COL19A1: variants seen among roughly 807,000 people sequenced by gnomAD.
COL19A1 encodes the protein collagen alpha-1(XIX) chain.
COL19A1 carries 159 observed loss-of-function variants against 190.2 expected under a neutral mutation model. The observed-to-expected ratio is 0.84, with a 90% confidence interval of 0.73 to 0.95. The LOEUF (loss-of-function observed/expected upper bound fraction) is 0.95. Among genes scored for constraint, COL19A1 ranks in the 40% least tolerant of loss-of-function variants. COL19A1 has a pLI of 0.00. For missense variants in COL19A1, 1,418 were observed against 1,431.9 expected (o/e 0.99, Z 0.16); for synonymous variants, 509 against 458.9 (o/e 1.11, Z -1.39).
chr6:70,149,842 C>T lies in COL19A1; in HGVS notation c.1930-9C>T, dbSNP rs1786930254. ...ATAAGTAACTGTTTTTATTTCCCTC[C>T]TTTTCCAGGGTCCTCGAGGTCTCCC... On this transcript the variant is annotated splice_polypyrimidine_tract_variant and intron_variant, in intron 28 of 50. Transcript: ENST00000620364. 1.2e-6 allele frequency: 2 copies of T among 1,613,614 alleles called. No homozygotes were observed. Among genetic ancestry groups the T allele is most frequent in the Non-Finnish European group, 1.7e-6 (2 of 1,179,764 alleles).
intron 5 of COL19A1, among the ~76,000 whole-genome samples, chr6:69,928,650 A>C (rs762869463): frequency 6.6e-6 from 1 of 152,140 alleles, no homozygotes; most frequent in African/African-American, 2.4e-5. Flanking sequence ...GGTGTGGACA[A>C]TGGGAGCACC....
chr6:70,020,434 C>A (rs1778354208), intron 11 of COL19A1, among the ~76,000 whole-genome samples: 1 of 151,956 alleles, frequency 6.6e-6, no homozygotes, highest in African/African-American at 2.4e-5. Context: ...CCTATATTTT[C>A]TTCTGGTCCT....
At chr6:70,068,679 C>A (rs1781388508) in intron 15 of COL19A1, among the ~76,000 whole-genome samples, 1 of 151,940 alleles carries the variant, frequency 6.6e-6, no homozygotes, top group African/African-American at 2.4e-5. Flanking sequence ...ATTGGCAGCA[C>A]AAGTGTAGAG....
intron 50 of COL19A1, 67 bp downstream of exon 50, chr6:70,207,045 G>A (rs1767916971): frequency 5.0e-6 from 8 of 1,604,788 alleles, no homozygotes; most frequent in Middle Eastern, 1.7e-4. Flanking sequence ...TTCTCCCCTA[G>A]GGTCCTTATA....
At chr6:69,896,939 G>C (rs200027139) in intron 2 of COL19A1, among the ~76,000 whole-genome samples, 1 of 151,930 alleles carries the variant, frequency 6.6e-6, no homozygotes, top group Non-Finnish European at 1.5e-5. Context: ...TTTATGGCTT[G>C]ACTTTTTACT....
chr6:69,967,153 T>C (rs889904868), intron 11 of COL19A1, among the ~76,000 whole-genome samples: 1 of 152,220 alleles, frequency 6.6e-6, no homozygotes, highest in African/African-American at 2.4e-5. Context: ...CTGCTACTTA[T>C]ACCTTACTTT....
intron 14 of COL19A1, among the ~76,000 whole-genome samples, chr6:70,038,637 G>A (rs576967036): frequency 2.0e-5 from 3 of 152,282 alleles, no homozygotes; most frequent in Admixed American, 6.5e-5. Context: ...GTACTCCTGT[G>A]GCTTGGGTGC....
At chr6:70,074,991 C>T (rs894183638) in intron 15 of COL19A1, among the ~76,000 whole-genome samples, 2 of 152,106 alleles carry the variant, frequency 1.3e-5, no homozygotes, top group Non-Finnish European at 2.9e-5. Context: ...TAAATATAAA[C>T]GTATACCTTA....
chr6:70,041,998 G>A (rs533482198), intron 14 of COL19A1, among the ~76,000 whole-genome samples: 1 of 152,260 alleles, frequency 6.6e-6, no homozygotes, highest in South Asian at 2.1e-4. Flanking sequence ...AACCCAGGAG[G>A]AGGTTGCAGT....
chr6:70,047,345 T>A (rs1779967693), intron 14 of COL19A1, among the ~76,000 whole-genome samples: 1 of 152,092 alleles, frequency 6.6e-6, no homozygotes, highest in African/African-American at 2.4e-5. Flanking sequence ...AAACCAATGC[T>A]GAATAAGAAA....
chr6:69,973,137 G>A (rs1337224755), intron 11 of COL19A1, among the ~76,000 whole-genome samples: 2 of 152,066 alleles, frequency 1.3e-5, no homozygotes, highest in Non-Finnish European at 2.9e-5. Flanking sequence ...GTCAGTGCTG[G>A]GTATAAAAGG....
intron 44 of COL19A1, among the ~76,000 whole-genome samples, chr6:70,182,985 G>A (rs1766273906): frequency 6.6e-6 from 1 of 150,824 alleles, no homozygotes; most frequent in Non-Finnish European, 1.5e-5. Context: ...GTGGAGGGAT[G>A]GTGAGAGGGG....
intron 11 of COL19A1, among the ~76,000 whole-genome samples, chr6:69,998,764 TA>T (rs1777076984): frequency 6.6e-6 from 1 of 151,998 alleles, no homozygotes; most frequent in Non-Finnish European, 1.5e-5. Context: ...TTCAAGCATA[TA>T]CAGAAAGATT....
intron 34 of COL19A1, among the ~76,000 whole-genome samples, chr6:70,158,531 C>A (rs748770292): frequency 1.1e-4 from 16 of 152,042 alleles, no homozygotes; most frequent in African/African-American, 1.4e-4. Flanking sequence ...AGAAAAGCAA[C>A]ATTTTCTTCC....
At chr6:69,998,961 T>C (rs1777087315) in intron 11 of COL19A1, among the ~76,000 whole-genome samples, 1 of 152,008 alleles carries the variant, frequency 6.6e-6, no homozygotes, top group Non-Finnish European at 1.5e-5. Flanking sequence ...GTTTATCTTT[T>C]TTTTTTTGAG....
In COL19A1 at chr6:69,911,482, A is replaced by G. The variant is rs528843494; in HGVS notation, c.266+11144A>G. Among the ~76,000 whole-genome samples, 4 of 152,308 alleles carry G rather than the reference A, an allele frequency of 2.6e-5. No individual in the cohort carries two copies. The East Asian group carries it at 7.7e-4, about 29-fold the overall frequency. Reference sequence around the variant, plus strand: ...TTGATTAATTCCTTTCACCCTGGCTATATCTAAGTAATTTGGAAACATCAT... The same window carrying G: ...TTGATTAATTCCTTTCACCCTGGCTGTATCTAAGTAATTTGGAAACATCAT... On this transcript the variant is annotated intron_variant, in intron 4 of 50. Transcript: ENST00000620364.
intron 2 of COL19A1, among the ~76,000 whole-genome samples, chr6:69,894,630 G>C (rs777805958): frequency 5.3e-5 from 8 of 152,170 alleles, no homozygotes; most frequent in Non-Finnish European, 1.0e-4. Context: ...AAACCCAGTC[G>C]CTGGGTGGGG....
At chr6:70,064,993 G>A (rs1199878825) in intron 14 of COL19A1, among the ~76,000 whole-genome samples, 1 of 152,196 alleles carries the variant, frequency 6.6e-6, no homozygotes, top group African/African-American at 2.4e-5. Context: ...CAATGCTCAT[G>A]GAGAGGAAGA....
chr6:69,899,935 G>A (rs945714488), intron 3 of COL19A1, among the ~76,000 whole-genome samples: 1 of 152,156 alleles, frequency 6.6e-6, no homozygotes, highest in African/African-American at 2.4e-5. Flanking sequence ...GAGAGCTGCT[G>A]CAATGAGTTA....
Sources: allele counts gnomAD v4.1 joint callset (sites outside exome capture counted in the v4.1 genomes callset), GRCh38; gene constraint gnomAD v4.1.1; transcripts MANE v1.5; gene names NCBI Gene and HGNC (gene_info 2026-07-23, HGNC 2026-07-21).